DOCK8: variants seen among roughly 807,000 people sequenced by gnomAD.
DOCK8 encodes the protein dedicator of cytokinesis protein 8.
DOCK8 carries 141 observed loss-of-function variants against 245.6 expected under a neutral mutation model. That is an observed-to-expected ratio of 0.57 (90% CI 0.50 to 0.66). The LOEUF (loss-of-function observed/expected upper bound fraction) is 0.66, where lower values mean the gene tolerates loss of function less well. Among genes scored for constraint, DOCK8 ranks in the 30% least tolerant of loss-of-function variants. The pLI, the probability that DOCK8 is intolerant of heterozygous loss-of-function variation, is 0.00. For missense variants in DOCK8, 2,965 were observed against 2,603.4 expected, an observed-to-expected ratio of 1.14 and a Z score of -3.02; for synonymous variants, 1,168 against 970.2, an observed-to-expected ratio of 1.20 and a Z score of -3.79.
rs2050835224 is a variant in DOCK8, at chr9:327,894, C to T, written c.895-128C>T. 11 of 860,422 alleles carry T rather than the reference C, an allele frequency of 1.3e-5. No individual in the cohort carries two copies. The Admixed American group carries it at 2.0e-4, about 16-fold the overall frequency. The allele number at this position is 860,422 out of a possible 1,614,324, so 53.3% of individuals were successfully genotyped here. ...TTATCCAGGAGCCACTTTCCTAAAC[C>T]ACATCTGTGATTATTACACTTACTC... is the stretch of plus-strand genomic sequence containing the variant. On this transcript the variant is annotated intron_variant, in intron 8 of 47. Transcript: ENST00000432829.
chr9:342,279 G>A (rs973483805), intron 14 of DOCK8, among the ~76,000 whole-genome samples: 1 of 141,474 alleles, frequency 7.1e-6, no homozygotes, highest in Non-Finnish European at 1.5e-5. Context: ...TCAAAAGATT[G>A]ATTTGTTTTT....
intron 6 of DOCK8, among the ~76,000 whole-genome samples, chr9:314,924 G>T (rs2050278499): frequency 6.6e-6 from 1 of 152,148 alleles, no homozygotes; most frequent in African/African-American, 2.4e-5. Flanking sequence ...TAACCACCAA[G>T]CTTCTATAAG....
intron 23 of DOCK8, among the ~76,000 whole-genome samples, chr9:389,547 GT>G (rs1205902703): frequency 6.6e-6 from 1 of 152,198 alleles, no homozygotes; most frequent in African/African-American, 2.4e-5. Context: ...CTCCTAGAGA[GT>G]TTAGACACCA....
intron 26 of DOCK8, among the ~76,000 whole-genome samples, chr9:403,972 A>ATG (rs2055286633): frequency 1.4e-5 from 1 of 71,260 alleles, no homozygotes; most frequent in African/African-American, 1.0e-4. Flanking sequence ...ATATATATAT[A>ATG]TATGTGTATA....
At chr9:303,851 G>A (rs7849724) in intron 4 of DOCK8, among the ~76,000 whole-genome samples, 140,525 of 152,326 alleles carry the variant, frequency 0.92, 64,933 homozygotes, top group African/African-American at 0.97. Flanking sequence ...AAAAATAAAA[G>A]TGGCGTGTTT....
chr9:240,877 AT>A (rs2047360029), intron 1 of DOCK8, among the ~76,000 whole-genome samples: 1 of 152,164 alleles, frequency 6.6e-6, no homozygotes, highest in South Asian at 2.1e-4. Flanking sequence ...AAAATATTCT[AT>A]TCCATAGGGC....
At chr9:379,736 C>T (rs773827928) in intron 20 of DOCK8, 35 bp from the exon 21 acceptor site, 3 of 1,613,288 alleles carry the variant, frequency 1.9e-6, no homozygotes, top group African/African-American at 2.7e-5. Flanking sequence ...TAAGGACCAG[C>T]TGTGGGACTA....
chr9:334,957 T>C (rs780514320), intron 11 of DOCK8, among the ~76,000 whole-genome samples: 4 of 151,868 alleles, frequency 2.6e-5, no homozygotes, highest in African/African-American at 4.8e-5. Context: ...GTGGTACACG[T>C]CTGTAATCTC....
rs545913413 is a variant in DOCK8, at chr9:420,653, C to T, written c.4023+70C>T. On this transcript the variant is annotated intron_variant, in intron 31 of 47. Coordinates refer to ENST00000432829, the MANE Select transcript of DOCK8 (RefSeq NM_203447.4). ...ATTGCAATTCTGTCTTCTTACTCAT[C>T]CCCTTTGTTTGGGCCATGGAGGCAT... is the stretch of plus-strand genomic sequence containing the variant. The T allele has an allele frequency of 1.4e-5, 22 of 1,593,208 alleles. No individual in the cohort carries two copies. In the East Asian group the frequency reaches 3.8e-4, roughly 28 times the overall value.
At chr9:222,442 A>G (rs1416407204) in intron 1 of DOCK8, among the ~76,000 whole-genome samples, 1 of 152,142 alleles carries the variant, frequency 6.6e-6, no homozygotes, top group Non-Finnish European at 1.5e-5. Flanking sequence ...TGATTGCCAA[A>G]TTGACGCCCA....
chr9:281,238 ACT>A (rs1187212313), intron 2 of DOCK8, among the ~76,000 whole-genome samples: 2 of 148,904 alleles, frequency 1.3e-5, no homozygotes, highest in Non-Finnish European at 3.0e-5. Context: ...ACGGAGTGAG[ACT>A]CTGTCTCAAA....
intron 33 of DOCK8, among the ~76,000 whole-genome samples, chr9:424,405 T>C (rs1282911437): frequency 6.7e-6 from 1 of 149,242 alleles, no homozygotes; most frequent in Admixed American, 6.7e-5. Context: ...TTTTCTTTTC[T>C]TTTTTTTTTC....
At chr9:436,536 ATATTT>A (rs2056908888) in intron 39 of DOCK8, among the ~76,000 whole-genome samples, 1 of 152,112 alleles carries the variant, frequency 6.6e-6, no homozygotes, top group Admixed American at 6.6e-5. Flanking sequence ...TCCCATGACT[ATATTT>A]TATTTTATAT....
At chr9:365,376 G>GT (rs1469630646) in intron 14 of DOCK8, among the ~76,000 whole-genome samples, 1 of 152,142 alleles carries the variant, frequency 6.6e-6, no homozygotes, top group Non-Finnish European at 1.5e-5. Context: ...TATCATGTAT[G>GT]TTTTTAGGGG....
intron 1 of DOCK8, among the ~76,000 whole-genome samples, chr9:233,552 A>C (rs530838272): frequency 2.8e-4 from 43 of 151,536 alleles, no homozygotes; most frequent in South Asian, 2.3e-3. Context: ...GTAGGTCACT[A>C]AGGACTTGCT....
intron 26 of DOCK8, among the ~76,000 whole-genome samples, chr9:400,013 T>TCACCACCTCCTTCACCATCAC (rs2054690148): frequency 2.2e-5 from 1 of 45,704 alleles, no homozygotes; most frequent in Non-Finnish European, 4.0e-5. Flanking sequence ...ACCTCCACCA[T>TCACCACCTCCTTCACCATCAC]CACCACCACC....
intron 6 of DOCK8, among the ~76,000 whole-genome samples, chr9:313,320 C>G (rs2050206811): frequency 6.6e-6 from 1 of 152,196 alleles, no homozygotes; most frequent in Non-Finnish European, 1.5e-5. Flanking sequence ...GTAACTAACT[C>G]TCTTAAGTTC....
chr9:229,923 CTT>C (rs1214519228), intron 1 of DOCK8, among the ~76,000 whole-genome samples: 1 of 150,444 alleles, frequency 6.6e-6, no homozygotes, highest in Non-Finnish European at 1.5e-5. Context: ...TATTATTATA[CTT>C]TAAGTTTTAG....
At chr9:240,136 G>C (rs1257813682) in intron 1 of DOCK8, among the ~76,000 whole-genome samples, 1 of 152,124 alleles carries the variant, frequency 6.6e-6, no homozygotes, top group Non-Finnish European at 1.5e-5. Context: ...GCCTTTAAAA[G>C]GTTAAAGATA....
Sources: gnomAD v4.1 joint callset for allele counts (sites outside exome capture counted in the v4.1 genomes callset) on GRCh38, gnomAD v4.1.1 for gene constraint, MANE v1.5 for transcripts, NCBI Gene and HGNC (gene_info 2026-07-23, HGNC 2026-07-21) for gene names.